The following HMCN1 variants were observed in gnomAD, a reference collection of about 807,000 sequenced individuals.
HMCN1 encodes the protein hemicentin-1.
A neutral mutation model predicts 625.9 loss-of-function variants in HMCN1; 321 were observed. The observed-to-expected ratio is 0.51, with a 90% CI of 0.47 to 0.56. The LOEUF is 0.56. Ranked by LOEUF, HMCN1 falls within the 20% of genes least tolerant of loss-of-function variation. HMCN1 has a pLI of 0.00. For missense variants in HMCN1, 6,588 were observed against 6,887.3 expected, an observed-to-expected ratio of 0.96 and a Z score of 1.54; for synonymous variants, 2,425 against 2,417.6, an observed-to-expected ratio of 1.00 and a Z score of -0.09.
intron 1 of HMCN1, among the ~76,000 whole-genome samples, chr1:185,805,301 A>G (rs1571378130): frequency 6.6e-6 from 1 of 152,040 alleles, no homozygotes; most frequent in South Asian, 2.1e-4. Context: ...TGGTACTCCA[A>G]CCCCCAGATA....
intron 4 of HMCN1, among the ~76,000 whole-genome samples, chr1:185,886,083 G>C (rs1159145443): frequency 6.6e-6 from 1 of 152,024 alleles, no homozygotes. Flanking sequence ...ACATAACTCA[G>C]TGATGAAGAC....
chr1:185,774,168 G>T (rs1656438332), intron 1 of HMCN1, among the ~76,000 whole-genome samples: 1 of 152,022 alleles, frequency 6.6e-6, no homozygotes, highest in African/African-American at 2.4e-5. Context: ...AAAATAATTT[G>T]TTTTTTTAAA....
intron 1 of HMCN1, among the ~76,000 whole-genome samples, chr1:185,743,975 CTGTTT>C (rs1189428500): frequency 2.3e-4 from 29 of 127,658 alleles, no homozygotes; most frequent in East Asian, 8.3e-4. Flanking sequence ...GATGACTTTA[CTGTTT>C]TGTTTTTTTT....
At chr1:186,030,972 T>C (rs1272420865) in intron 36 of HMCN1, among the ~76,000 whole-genome samples, 1 of 152,014 alleles carries the variant, frequency 6.6e-6, no homozygotes, top group African/African-American at 2.4e-5. Context: ...TTAAACGAAT[T>C]ACATTTTTTA....
At chr1:185,803,188 C>CAAAAAAAGAAAAAAAGCAAAAAAAAAAAA (rs1658915910) in intron 1 of HMCN1, among the ~76,000 whole-genome samples, 1 of 33,814 alleles carries the variant, frequency 3.0e-5, no homozygotes, top group African/African-American at 5.4e-5. Flanking sequence ...TTAGCAGAAC[C>CAAAAAAAGAAAAAAAGCAAAAAAAAAAAA]AAAAAAAAAA....
intron 36 of HMCN1, among the ~76,000 whole-genome samples, chr1:186,027,117 G>A (rs1258631361): frequency 6.6e-6 from 1 of 152,166 alleles, no homozygotes; most frequent in Non-Finnish European, 1.5e-5. Context: ...AGCAAAGGCT[G>A]TTTCTCAAAG....
chr1:186,145,320 T>C, intron 91 of HMCN1, 83 bp from the exon 92 acceptor site: 1 of 1,348,100 alleles, frequency 7.4e-7, no homozygotes, highest in East Asian at 2.4e-5. Flanking sequence ...ACTTTTTTTT[T>C]AATACTTTTT....
chr1:186,103,704 G>C, intron 69 of HMCN1, 36 bp downstream of exon 69: 1 of 1,562,760 alleles, frequency 6.4e-7, no homozygotes, highest in Admixed American at 1.7e-5. Context: ...TTTTAGGTTA[G>C]GTCAAACTTC....
intron 105 of HMCN1, among the ~76,000 whole-genome samples, chr1:186,184,180 C>T (rs1653130133): frequency 6.6e-6 from 1 of 152,126 alleles, no homozygotes; most frequent in Non-Finnish European, 1.5e-5. Context: ...CTTGAAATGT[C>T]TGCAATTTAA....
In HMCN1 at chr1:186,015,309, C is replaced by T. The variant is rs1654288114; in HGVS notation, c.4781C>T (p.Ala1594Val). ...DGQPIMSSSQALYIDKGQYLH... is the reference protein window; with the variant it reads ...DGQPIMSSSQVLYIDKGQYLH... Reference sequence around the variant, plus strand: ...CAGCCAATCATGTCCAGCTCACAAGCACTTTATATTGATAAAGGACAATAT... The same window carrying T: ...CAGCCAATCATGTCCAGCTCACAAGTACTTTATATTGATAAAGGACAATAT... The change falls in exon 31 of 107, where the codon GCA (alanine) becomes GTA (valine). Residue 1594 changes from alanine (A) to valine (V), a missense_variant. Transcript: ENST00000271588. The T allele has an allele frequency of 1.2e-6, 2 of 1,613,678 alleles. No homozygotes were observed. Among genetic ancestry groups the T allele is most frequent in the African/African-American group, 1.3e-5 (1 of 74,904 alleles).
rs1379850351 is a variant in HMCN1 at position 186,070,728 on chromosome 1, G to C, written c.8110G>C (p.Ala2704Pro). Reference protein sequence around the residue: ...LECEAYAIPSASLSWYKDGQP... With the variant: ...LECEAYAIPSPSLSWYKDGQP... The stretch of plus-strand genomic sequence containing the variant: ...ATGTGAAGCGTATGCAATTCCTTCT[G>C]CCTCCCTCAGCTGGTACAAGGATGG... The change falls in exon 52 of 107, where the codon GCC becomes CCC. Residue 2704 changes from alanine to proline, a missense_variant. Transcript: ENST00000271588. 1.2e-6 allele frequency: 2 copies of C among 1,613,794 alleles called. No homozygotes were observed. Among genetic ancestry groups the C allele is most frequent in the Non-Finnish European group, 1.7e-6 (2 of 1,179,818 alleles).
chr1:185,766,692 T>C (rs1440592924), intron 1 of HMCN1, among the ~76,000 whole-genome samples: 3 of 151,808 alleles, frequency 2.0e-5, no homozygotes, highest in Non-Finnish European at 4.4e-5. Context: ...GAACAGGTGG[T>C]GCTTTTGTGT....
chr1:185,945,733 C>CG (rs1200767931), intron 11 of HMCN1, among the ~76,000 whole-genome samples: 1 of 152,126 alleles, frequency 6.6e-6, no homozygotes. Context: ...ATGGAGAAAA[C>CG]TACATGTGCA....
At chr1:186,114,414 C>T (rs368146637) in intron 73 of HMCN1, among the ~76,000 whole-genome samples, 22 of 151,980 alleles carry the variant, frequency 1.4e-4, no homozygotes, top group Admixed American at 6.6e-4. Flanking sequence ...CACGCCAGCA[C>T]GCCCAGCTAA....
chr1:186,137,012 T>G, intron 87 of HMCN1, 75 bp downstream of exon 87: 2 of 1,523,384 alleles, frequency 1.3e-6, no homozygotes, highest in East Asian at 2.2e-5. Flanking sequence ...ATTAAGCACT[T>G]TAGTCCAAGT....
At chr1:185,809,696 TATAAC>T (rs1455691259) in intron 1 of HMCN1, among the ~76,000 whole-genome samples, 5 of 152,022 alleles carry the variant, frequency 3.3e-5, no homozygotes, top group Admixed American at 3.3e-4. Context: ...TATAGTATGA[TATAAC>T]ATACTTTTTG....
At chr1:185,857,770 C>T (rs1344134249) in intron 2 of HMCN1, among the ~76,000 whole-genome samples, 1 of 152,112 alleles carries the variant, frequency 6.6e-6, no homozygotes, top group Admixed American at 6.6e-5. Context: ...CATGTACTCA[C>T]TAGTCATTTA....
intron 7 of HMCN1, among the ~76,000 whole-genome samples, chr1:185,922,738 C>T (rs1667063902): frequency 6.6e-6 from 1 of 152,116 alleles, no homozygotes; most frequent in Non-Finnish European, 1.5e-5. Flanking sequence ...TCCAGATCTC[C>T]TGAATTAGAA....
intron 55 of HMCN1, 22 bp downstream of exon 55, chr1:186,078,242 T>A: frequency 1.3e-6 from 2 of 1,524,414 alleles, no homozygotes; most frequent in Non-Finnish European, 1.8e-6. Flanking sequence ...TTTTGTTTAT[T>A]GTTCATTCTT....
Sources: gnomAD v4.1 joint callset for allele counts (sites outside exome capture counted in the v4.1 genomes callset) on GRCh38, gnomAD v4.1.1 for gene constraint, MANE v1.5 for transcripts, NCBI Gene and HGNC (gene_info 2026-07-23, HGNC 2026-07-21) for gene names.